The following ARHGAP15 variants were observed in gnomAD, a reference collection of about 807,000 sequenced individuals.
The protein encoded by ARHGAP15 is Rho GTPase activating protein 15.
In ARHGAP15, 51 loss-of-function variants were observed where a neutral mutation model predicts 63.7. That is an observed-to-expected ratio of 0.80 (90% CI 0.64 to 1.01). The LOEUF (loss-of-function observed/expected upper bound fraction) is 1.01. Ranked by LOEUF, ARHGAP15 falls within the 50% of genes least tolerant of loss-of-function variation. ARHGAP15 has a pLI of 0.00. For synonymous variants in ARHGAP15, 191 were observed against 193.8 expected, an observed-to-expected ratio of 0.99 and a Z score of 0.12; for missense variants, 560 against 564.6, an observed-to-expected ratio of 0.99 and a Z score of 0.08.
chr2:143,317,960 C>T (rs1683797611), intron 6 of ARHGAP15, among the ~76,000 whole-genome samples: 1 of 151,930 alleles, frequency 6.6e-6, no homozygotes, highest in Admixed American at 6.6e-5. Flanking sequence ...TTGCTATCAA[C>T]ACCTTCATCA....
intron 13 of ARHGAP15, among the ~76,000 whole-genome samples, chr2:143,725,892 A>T (rs1187718858): frequency 6.6e-6 from 1 of 152,222 alleles, no homozygotes; most frequent in Non-Finnish European, 1.5e-5. Context: ...ACAAACAATG[A>T]CAAGTATAAA....
intron 13 of ARHGAP15, among the ~76,000 whole-genome samples, chr2:143,731,236 C>T (rs1404497258): frequency 6.6e-6 from 1 of 152,092 alleles, no homozygotes; most frequent in Admixed American, 6.6e-5. Flanking sequence ...AATAAACTAC[C>T]TTGAAGGCAT....
At chr2:143,621,260 C>G (rs187577876) in intron 11 of ARHGAP15, among the ~76,000 whole-genome samples, 81 of 152,282 alleles carry the variant, frequency 5.3e-4, no homozygotes, top group African/African-American at 1.9e-3. Flanking sequence ...AGAAACTCTA[C>G]TCTATTAGAA....
intron 12 of ARHGAP15, among the ~76,000 whole-genome samples, chr2:143,662,130 CA>C (rs1284157224): frequency 6.6e-6 from 1 of 152,236 alleles, no homozygotes; most frequent in East Asian, 1.9e-4. Context: ...CACAGACAAA[CA>C]AAAAGCAGTA....
intron 6 of ARHGAP15, among the ~76,000 whole-genome samples, chr2:143,327,040 TTAAGCTGA>T (rs1457063345): frequency 6.6e-6 from 1 of 152,222 alleles, no homozygotes; most frequent in Non-Finnish European, 1.5e-5. Flanking sequence ...AAAAATCTCC[TTAAGCTGA>T]TAAGCAACTT....
chr2:143,625,734 C>T (rs1237406745), intron 12 of ARHGAP15, among the ~76,000 whole-genome samples: 2 of 152,174 alleles, frequency 1.3e-5, no homozygotes, highest in East Asian at 1.9e-4. Flanking sequence ...AATGTTGGAA[C>T]AGCGTTCTGG....
At chr2:143,213,709 CT>C (rs1035736180) in intron 3 of ARHGAP15, among the ~76,000 whole-genome samples, 17 of 152,252 alleles carry the variant, frequency 1.1e-4, no homozygotes, top group African/African-American at 4.1e-4. Context: ...TTCTAATGAC[CT>C]GGAAGGCAGC....
At chr2:143,354,495 A>T (rs1330695479) in intron 6 of ARHGAP15, among the ~76,000 whole-genome samples, 1 of 152,128 alleles carries the variant, frequency 6.6e-6, no homozygotes, top group East Asian at 1.9e-4. Context: ...CAGTTTAATG[A>T]GGTCTCCTCT....
chr2:143,483,003 T>C (rs1355303420), intron 8 of ARHGAP15, among the ~76,000 whole-genome samples: 1 of 152,222 alleles, frequency 6.6e-6, no homozygotes, highest in Non-Finnish European at 1.5e-5. Flanking sequence ...AGGAAAGTAA[T>C]CATTAGAGCC....
At chr2:143,760,189 G>A (rs1686712253) in intron 13 of ARHGAP15, among the ~76,000 whole-genome samples, 2 of 152,084 alleles carry the variant, frequency 1.3e-5, no homozygotes, top group Admixed American at 1.3e-4. Context: ...AGTTCCCAGT[G>A]TTTATTATAC....
At chr2:143,353,189 G>A (rs12997743) in intron 6 of ARHGAP15, among the ~76,000 whole-genome samples, 7,896 of 152,168 alleles carry the variant, frequency 0.052, 305 homozygotes, top group Middle Eastern at 0.13. Context: ...CTACACCGGA[G>A]GCTGAGTCTG....
intron 8 of ARHGAP15, among the ~76,000 whole-genome samples, chr2:143,471,223 C>CACAT (rs1558994107): frequency 8.9e-5 from 13 of 145,582 alleles, no homozygotes; most frequent in African/African-American, 3.1e-4. Context: ...TATACACACA[C>CACAT]ATGTGTATGT....
In ARHGAP15 at chr2:143,712,157, G is replaced by A. The variant is rs1684610121; in HGVS notation, c.1244+8633G>A. The stretch of plus-strand genomic sequence containing the variant: ...GGAGTGATAGGGAGAATGGGGGAAA[G>A]TGATGGATACAAGAGGCATTGAAGC... On this transcript the variant is annotated intron_variant, in intron 13 of 13. Transcript: ENST00000295095. 2.0e-5 allele frequency among the ~76,000 whole-genome samples: 3 copies of A among 152,170 alleles called. No individual in the cohort carries two copies. In the South Asian group the frequency reaches 6.2e-4, roughly 32 times the overall value.
intron 3 of ARHGAP15, among the ~76,000 whole-genome samples, chr2:143,202,863 C>T (rs1440928675): frequency 1.3e-5 from 2 of 151,730 alleles, no homozygotes; most frequent in Non-Finnish European, 2.9e-5. Context: ...ATTGTTATAT[C>T]CTAGTGACAA....
intron 11 of ARHGAP15, among the ~76,000 whole-genome samples, chr2:143,595,714 CTTGCCCA>C (rs1446378347): frequency 1.3e-5 from 2 of 152,090 alleles, no homozygotes; most frequent in Non-Finnish European, 2.9e-5. Context: ...GCTTTAATAT[CTTGCCCA>C]CTCATCCTTT....
intron 12 of ARHGAP15, among the ~76,000 whole-genome samples, chr2:143,692,313 G>A (rs2105396519): frequency 6.6e-6 from 1 of 152,288 alleles, no homozygotes; most frequent in Non-Finnish European, 1.5e-5. Context: ...TAACAGCGGG[G>A]AAGCTTGCAC....
chr2:143,709,219 T>G (rs937522119), intron 13 of ARHGAP15, among the ~76,000 whole-genome samples: 1 of 152,220 alleles, frequency 6.6e-6, no homozygotes, highest in South Asian at 2.1e-4. Flanking sequence ...CTTTGTGGCA[T>G]GCATTTTGCA....
At chr2:143,472,370 C>T (rs151242579) in intron 8 of ARHGAP15, among the ~76,000 whole-genome samples, 506 of 152,164 alleles carry the variant, frequency 3.3e-3, no homozygotes, top group Non-Finnish European at 4.8e-3. Context: ...TTATTGCTAT[C>T]AAGTTGCAAT....
At chr2:143,263,136 C>T (rs1680812962) in intron 6 of ARHGAP15, among the ~76,000 whole-genome samples, 3 of 152,144 alleles carry the variant, frequency 2.0e-5, no homozygotes, top group Admixed American at 2.0e-4. Context: ...GAGGCCACTT[C>T]ATTATTAGAT....
Sources: gnomAD v4.1 joint callset for allele counts (sites outside exome capture counted in the v4.1 genomes callset) on GRCh38, gnomAD v4.1.1 for gene constraint, MANE v1.5 for transcripts, NCBI Gene and HGNC (gene_info 2026-07-23, HGNC 2026-07-21) for gene names.